Variants in FBXO16 observed in about 807,000 individuals in gnomAD.
FBXO16 encodes F-box protein 16.
In FBXO16, 31 loss-of-function variants were observed where a neutral mutation model predicts 41.0. That is an observed-to-expected ratio of 0.76 (90% CI 0.57 to 1.02). The LOEUF (loss-of-function observed/expected upper bound fraction) is 1.02, where lower values mean the gene tolerates loss of function less well. Ranked by LOEUF, FBXO16 falls within the 50% of genes least tolerant of loss-of-function variation. The pLI, the probability that FBXO16 is intolerant of heterozygous loss-of-function variation, is 0.00. For synonymous variants in FBXO16, 133 were observed against 117.8 expected (o/e 1.13, Z -0.84); for missense variants, 361 against 346.2 (o/e 1.04, Z -0.34).
rs1468534994 is a variant in FBXO16 at position 28,452,255 on chromosome 8, A to G, written c.729T>C (p.Thr243=). The G allele has an allele frequency of 6.2e-7, 1 of 1,614,154 alleles. No individual in the cohort carries two copies. The highest frequency in any genetic ancestry group is 8.5e-7 in the Non-Finnish European group (1 of 1,179,988). Residue 243 remains threonine, a synonymous_variant, in exon 6 of 9, where the codon ACT becomes ACC. Coordinates refer to ENST00000380254, the MANE Select transcript of FBXO16 (RefSeq NM_172366.4). ...ATGGAGCTTCTTACCCTTGCTGGACAGTCTCCATGGGGTCACGGTTGTCTA... is the reference window on the plus strand; with the variant it reads ...ATGGAGCTTCTTACCCTTGCTGGACGGTCTCCATGGGGTCACGGTTGTCTA... ...NYLDNRDPME[T]VQQGRRKRNQ...
chr8:28,463,623 G>A lies in FBXO16; in HGVS notation c.331C>T (p.Arg111Cys), dbSNP rs1443494070. 10 of 1,613,730 alleles carry A rather than the reference G, an allele frequency of 6.2e-6. No individual in the cohort carries two copies. Among genetic ancestry groups the A allele is most frequent in the Admixed American group, 5.0e-5 (3 of 59,976 alleles). ...TTCCTTGCCTTTACCTGTGCACAAC[G>A]ACAAAGGCTCCGAGGGTCCAGGAAA... ...FSFLDPRSLC[R>C]CAQVCWHWKN... The change falls in exon 4 of 9, where the codon CGT (arginine) becomes TGT (cysteine). Residue 111 changes from arginine to cysteine, a missense_variant. Physicochemically the swap from Arg to Cys is radical, Grantham distance 180 (BLOSUM62 -3). Transcript: ENST00000380254.
Position 28,452,407 on chromosome 8 carries a change from G to GT in FBXO16, c.576dup (p.Gln193ThrfsTer18), listed in dbSNP as rs2130126985. The GT allele has an allele frequency of 1.2e-6, 2 of 1,614,216 alleles. No individual in the cohort carries two copies. Among genetic ancestry groups the GT allele is most frequent in the Non-Finnish European group, 1.7e-6 (2 of 1,180,040 alleles). On this transcript the variant is annotated frameshift_variant, in exon 6 of 9. Coordinates refer to ENST00000380254, the MANE Select transcript of FBXO16 (RefSeq NM_172366.4). LOFTEE classifies it high-confidence loss of function. ...GACCGAAAAGCTGATAAAGGGGACTGTTTTTCCTCTGGAGAATTGCTTGTA... is the reference window on the plus strand; with the variant it reads ...GACCGAAAAGCTGATAAAGGGGACTGTTTTTTCCTCTGGAGAATTGCTTGTA...
intron 7 of FBXO16, among the ~76,000 whole-genome samples, chr8:28,431,198 A>G (rs11784510): frequency 0.29 from 43,423 of 151,892 alleles, 9,436 homozygotes; most frequent in African/African-American, 0.6. Context: ...CCTTTTCACC[A>G]TGGCAGGCCC....
chr8:28,428,938 C>T (rs1440362203), intron 8 of FBXO16, among the ~76,000 whole-genome samples: 2 of 152,112 alleles, frequency 1.3e-5, no homozygotes, highest in Non-Finnish European at 2.9e-5. Context: ...CTTTAGCGTC[C>T]AAAGTGCTCT....
chr8:28,428,489 G>T lies in FBXO16; in HGVS notation c.*238C>A. ...TACTTAAGCTGAAAGAGTTTCTAAT[G>T]GGAGCCAAGTAAATTCAGCTCTCCA... On this transcript the variant is annotated 3_prime_UTR_variant, in exon 9 of 9. Transcript: ENST00000380254. The T allele has an allele frequency of 7.1e-7, 1 of 1,409,182 alleles. No homozygotes were observed. The highest frequency in any genetic ancestry group is 1.4e-5 in the South Asian group (1 of 71,814). 87.3% of individuals were successfully genotyped at this position (1,409,182 alleles called of 1,614,324 possible).
chr8:28,459,607 C>T (rs1018385062), intron 4 of FBXO16, among the ~76,000 whole-genome samples: 8 of 143,086 alleles, frequency 5.6e-5, no homozygotes, highest in African/African-American at 1.8e-4. Flanking sequence ...GCGACAAGAG[C>T]GAGACCCTGT....
intron 7 of FBXO16, among the ~76,000 whole-genome samples, chr8:28,443,605 A>G (rs1802814366): frequency 6.6e-6 from 1 of 152,162 alleles, no homozygotes; most frequent in Admixed American, 6.6e-5. Context: ...GAGGTGTTTG[A>G]ACCAGGGCAA....
chr8:28,463,476 A>C, intron 4 of FBXO16, 136 bp downstream of exon 4: 1 of 813,540 alleles, frequency 1.2e-6, no homozygotes, highest in Non-Finnish European at 1.9e-6. Context: ...CTAAGTGTAC[A>C]TTTGTGTGTG....
intron 7 of FBXO16, among the ~76,000 whole-genome samples, chr8:28,432,345 G>A (rs1474359520): frequency 3.3e-5 from 5 of 151,770 alleles, no homozygotes; most frequent in African/African-American, 4.8e-5. Context: ...GTGGTGGCGG[G>A]TGCCTGTAAT....
At chr8:28,449,767 T>C (rs1802922729) in intron 6 of FBXO16, among the ~76,000 whole-genome samples, 1 of 150,648 alleles carries the variant, frequency 6.6e-6, no homozygotes, top group Non-Finnish European at 1.5e-5. Context: ...AGGTTAGGAG[T>C]TCGAGACCAG....
intron 1 of FBXO16, among the ~76,000 whole-genome samples, chr8:28,488,293 C>G (rs1298594003): frequency 1.0e-5 from 1 of 96,194 alleles, no homozygotes; most frequent in African/African-American, 4.0e-5. Flanking sequence ...TCTTCTAAGC[C>G]TTTTTTTTTT....
At chr8:28,453,853 C>T (rs1802994173) in intron 5 of FBXO16, among the ~76,000 whole-genome samples, 1 of 151,986 alleles carries the variant, frequency 6.6e-6, no homozygotes, top group South Asian at 2.1e-4. Flanking sequence ...GCAATTAGCT[C>T]ACAACAGTGT....
intron 6 of FBXO16, among the ~76,000 whole-genome samples, chr8:28,451,937 T>G (rs1430418552): frequency 1.3e-5 from 2 of 149,830 alleles, no homozygotes; most frequent in Non-Finnish European, 2.9e-5. Context: ...TGAGCTGAGA[T>G]TGCACCACTG....
intron 7 of FBXO16, among the ~76,000 whole-genome samples, chr8:28,432,976 A>T (rs1802630777): frequency 6.6e-6 from 1 of 151,452 alleles, no homozygotes; most frequent in African/African-American, 2.4e-5. Flanking sequence ...CAGGAGAATC[A>T]CTTGAACTTG....
intron 5 of FBXO16, among the ~76,000 whole-genome samples, chr8:28,455,227 C>G (rs1490896646): frequency 6.7e-6 from 1 of 149,152 alleles, no homozygotes; most frequent in African/African-American, 2.5e-5. Context: ...AGGTGCATGC[C>G]ACCATGCTCA....
Position 28,428,475 on chromosome 8 carries a change from A to G in FBXO16, c.*252T>C. The G allele has an allele frequency of 7.6e-7, 1 of 1,313,828 alleles. No individual in the cohort carries two copies. Among genetic ancestry groups the G allele is most frequent in the Non-Finnish European group, 1.0e-6 (1 of 982,384 alleles). The allele number at this position is 1,313,828 out of a possible 1,614,324, so 81.4% of individuals were successfully genotyped here. A position where few individuals can be genotyped will look rare whatever the true frequency, so the allele number is the denominator to read the frequency against. ...ACTACCACAATAAGTACTTAAGCTG[A>G]AAGAGTTTCTAATGGGAGCCAAGTA... On this transcript the variant is annotated 3_prime_UTR_variant, in exon 9 of 9. Transcript: ENST00000380254.
At chr8:28,472,475 C>A (rs531981661) in intron 3 of FBXO16, among the ~76,000 whole-genome samples, 1 of 152,270 alleles carries the variant, frequency 6.6e-6, no homozygotes, top group Non-Finnish European at 1.5e-5. Context: ...TGGTTCGCAC[C>A]TGTAATCCCA....
At chr8:28,460,854 C>A (rs576497258) in intron 4 of FBXO16, among the ~76,000 whole-genome samples, 1 of 152,260 alleles carries the variant, frequency 6.6e-6, no homozygotes, top group African/African-American at 2.4e-5. Context: ...CCTACCTCAG[C>A]CTCCCGAGTA....
intron 5 of FBXO16, among the ~76,000 whole-genome samples, chr8:28,456,302 C>T (rs945838021): frequency 6.6e-6 from 1 of 152,154 alleles, no homozygotes; most frequent in African/African-American, 2.4e-5. Flanking sequence ...GCCCATGAGG[C>T]CCTTCCCTGA....
Sources: allele counts gnomAD v4.1 joint callset (sites outside exome capture counted in the v4.1 genomes callset), GRCh38; gene constraint gnomAD v4.1.1; transcripts MANE v1.5; gene names NCBI Gene and HGNC (gene_info 2026-07-23, HGNC 2026-07-21).